The following ANKIB1 variants were observed in gnomAD, a reference collection of about 807,000 sequenced individuals.
The protein encoded by ANKIB1 is ankyrin repeat and IBR domain containing 1.
Under a neutral mutation model 122.1 loss-of-function variants are expected in ANKIB1, and 43 were observed. That is an observed-to-expected ratio of 0.35 (90% confidence interval 0.28 to 0.45). The LOEUF (loss-of-function observed/expected upper bound fraction) is 0.45. Among genes scored for constraint, ANKIB1 ranks in the 20% least tolerant of loss-of-function variants. The pLI is 1.00. For synonymous variants in ANKIB1, 390 were observed against 442.0 expected (o/e 0.88, Z 1.48); for missense variants, 992 against 1,329.5 (o/e 0.75, Z 3.95).
intron 14 of ANKIB1, among the ~76,000 whole-genome samples, chr7:92,388,548 C>T (rs963950064): frequency 2.0e-5 from 3 of 152,152 alleles, no homozygotes; most frequent in African/African-American, 7.2e-5. Context: ...GTGGAGCTAA[C>T]GTATAGGTCC....
Position 92,327,794 on chromosome 7 carries a change from A to T in ANKIB1, c.681A>T (p.Gly227=). The change falls in exon 5 of 20, where the codon GGA becomes GGT. Residue 227 remains glycine (G), a synonymous_variant. Transcript: ENST00000265742. Reference sequence around the variant, plus strand: ...TTTTCTTTTCAAAGCCATATGAAGGATTAAGGCCTCAGGATCTTCGTAGAC... The same window carrying T: ...TTTTCTTTTCAAAGCCATATGAAGGTTTAAGGCCTCAGGATCTTCGTAGAC... ...AALDKREPYE[G]LRPQDLRRLK... 6.4e-7 allele frequency: 1 copy of T among 1,571,722 alleles called. No homozygotes were observed. The highest frequency in any genetic ancestry group is 8.6e-7 in the Non-Finnish European group (1 of 1,167,276).
chr7:92,359,910 CATATTTTAATCAACCCA>C (rs915965050), intron 9 of ANKIB1, among the ~76,000 whole-genome samples: 10 of 152,108 alleles, frequency 6.6e-5, no homozygotes, highest in African/African-American at 2.4e-4. Flanking sequence ...AGCTCACTTC[CATATTTTAATCAACCCA>C]ATATTTTTTG....
In ANKIB1 at chr7:92,307,347, T is replaced by C. The variant is rs769387531; in HGVS notation, c.189-12T>C. On this transcript the variant is annotated splice_polypyrimidine_tract_variant and intron_variant, in intron 2 of 19. Coordinates refer to ENST00000265742, the MANE Select transcript of ANKIB1 (RefSeq NM_019004.2). ...TTTTCATCCTTTATTTTTCCCTTTC[T>C]TTCCATTTTAGGACTTTTCTTGGTA... 16 of 1,597,764 alleles carry C rather than the reference T, an allele frequency of 1.0e-5. No individual in the cohort carries two copies. The South Asian group carries it at 1.1e-4, about 11-fold the overall frequency.
rs1164195775 is a variant in ANKIB1, at chr7:92,343,222, A to T, written c.986A>T (p.Asp329Val). Residue 329 changes from aspartate to valine, a missense_variant, in exon 6 of 20, where the codon GAC becomes GTC. Around this residue, in one of 4 missense-constraint regions of ANKIB1, gnomAD observed 521 missense variants for 777.7 expected, o/e 0.67. Transcript: ENST00000265742. The stretch of plus-strand genomic sequence containing the variant: ...ATCAGCTTATCTCCTGGGGATTTAG[A>T]CACCAGTTTGGTATGGTTTGGTATT... ...DEISLSPGDLDTSLCDICMCS... is the reference protein window; with the variant it reads ...DEISLSPGDLVTSLCDICMCS... 1 of 1,613,596 alleles carries T rather than the reference A, an allele frequency of 6.2e-7. No homozygotes were observed. Among genetic ancestry groups the T allele is most frequent in the East Asian group, 2.2e-5 (1 of 44,836 alleles).
chr7:92,396,537 T>C lies in ANKIB1; in HGVS notation c.2395+61T>C, dbSNP rs1327314536. The C allele has an allele frequency of 7.3e-6, 6 of 826,040 alleles. No homozygotes were observed. In the Admixed American group the frequency reaches 1.5e-4, roughly 20 times the overall value. 51.2% of individuals were successfully genotyped at this position (826,040 alleles called of 1,614,324 possible). A position where few individuals can be genotyped will look rare whatever the true frequency, so the allele number is the denominator to read the frequency against. On this transcript the variant is annotated intron_variant, in intron 18 of 19. Transcript: ENST00000265742. ...GCTCCCCTGAATTTATCCTTCAAAC[T>C]GGCTGATGTAAATTTTTGTGAACGA...
intron 1 of ANKIB1, among the ~76,000 whole-genome samples, chr7:92,288,094 A>G (rs1802173512): frequency 1.3e-5 from 2 of 151,842 alleles, no homozygotes; most frequent in Non-Finnish European, 2.9e-5. Flanking sequence ...TCTACTTTAG[A>G]CAATCCCAAA....
intron 3 of ANKIB1, among the ~76,000 whole-genome samples, chr7:92,316,914 T>G (rs1396604881): frequency 6.6e-6 from 1 of 152,208 alleles, no homozygotes; most frequent in East Asian, 1.9e-4. Flanking sequence ...TTAATATTTT[T>G]TGTGTGGTAA....
chr7:92,295,321 G>A (rs1172762600), intron 2 of ANKIB1, among the ~76,000 whole-genome samples, 155 bp downstream of exon 2: 1 of 151,986 alleles, frequency 6.6e-6, no homozygotes, highest in Admixed American at 6.6e-5. Context: ...GTTTTATAGT[G>A]AATTAAACTT....
intron 1 of ANKIB1, among the ~76,000 whole-genome samples, chr7:92,273,604 A>G (rs1186325068): frequency 6.6e-6 from 1 of 152,126 alleles, no homozygotes; most frequent in Admixed American, 6.5e-5. Flanking sequence ...AACAGGTGGA[A>G]GATTATAGAA....
chr7:92,294,998 A>G lies in ANKIB1; in HGVS notation c.20A>G (p.Lys7Arg), dbSNP rs369169074. MGNTTTKFRKALINGDE... is the reference protein window; with the variant it reads MGNTTTRFRKALINGDE... Reference sequence around the variant, plus strand: ...CAAAACATGGGAAATACAACCACCAAATTCCGTAAAGCACTCATCAATGGT... The same window carrying G: ...CAAAACATGGGAAATACAACCACCAGATTCCGTAAAGCACTCATCAATGGT... Residue 7 changes from lysine to arginine, a missense_variant, in exon 2 of 20, where the codon AAA becomes AGA. By Grantham distance (26) the Lys-to-Arg change is conservative. Transcript: ENST00000265742. 2 of 1,601,618 alleles carry G rather than the reference A, an allele frequency of 1.2e-6. No individual in the cohort carries two copies. Among genetic ancestry groups the G allele is most frequent in the African/African-American group, 1.3e-5 (1 of 74,774 alleles).
At chr7:92,262,250 G>C (rs1010113933) in intron 1 of ANKIB1, among the ~76,000 whole-genome samples, 2 of 152,152 alleles carry the variant, frequency 1.3e-5, no homozygotes, top group African/African-American at 4.8e-5. Flanking sequence ...CATATCTATA[G>C]CTGAAGATGT....
At chr7:92,396,238 CA>C (rs1393628840) in intron 17 of ANKIB1, 126 bp from the exon 18 acceptor site, 2 of 646,020 alleles carry the variant, frequency 3.1e-6, no homozygotes, top group Non-Finnish European at 2.7e-6. Context: ...ATGTTTCAGC[CA>C]AGTGATTTTA....
At chr7:92,375,026 C>G (rs1367355158) in intron 11 of ANKIB1, among the ~76,000 whole-genome samples, 3 of 150,024 alleles carry the variant, frequency 2.0e-5, no homozygotes, top group African/African-American at 7.6e-5. Context: ...TTTTTGTTTT[C>G]CACTGCATAT....
intron 3 of ANKIB1, among the ~76,000 whole-genome samples, chr7:92,318,084 C>T (rs995390650): frequency 6.6e-6 from 1 of 152,152 alleles, no homozygotes; most frequent in Non-Finnish European, 1.5e-5. Flanking sequence ...AATCAAGCTA[C>T]TTAACTATTC....
intron 16 of ANKIB1, 72 bp downstream of exon 16, chr7:92,391,416 A>C: frequency 7.6e-7 from 1 of 1,307,694 alleles, no homozygotes. Flanking sequence ...TTTTTTATCC[A>C]ACTAGGGTTC....
At chr7:92,353,763 C>G (rs1803716990) in intron 9 of ANKIB1, among the ~76,000 whole-genome samples, 1 of 152,196 alleles carries the variant, frequency 6.6e-6, no homozygotes, top group Non-Finnish European at 1.5e-5. Context: ...TGCTGGAACA[C>G]AGCCACACCA....
chr7:92,398,107 A>G, intron 19 of ANKIB1, 105 bp from the exon 20 acceptor site: 1 of 1,252,816 alleles, frequency 8.0e-7, no homozygotes, highest in Non-Finnish European at 1.1e-6. Context: ...TTCTGTATAA[A>G]TAAAATTAAT....
intron 1 of ANKIB1, among the ~76,000 whole-genome samples, chr7:92,267,906 G>C (rs1801707963): frequency 6.6e-6 from 1 of 152,088 alleles, no homozygotes; most frequent in South Asian, 2.1e-4. Context: ...CATAATTTTT[G>C]GAAAGGAAGG....
intron 16 of ANKIB1, among the ~76,000 whole-genome samples, chr7:92,391,996 G>C (rs1343756119): frequency 6.6e-6 from 1 of 151,902 alleles, no homozygotes; most frequent in Non-Finnish European, 1.5e-5. Context: ...ACAAATAGAA[G>C]CATTATAAAA....
Sources: allele counts gnomAD v4.1 joint callset (sites outside exome capture counted in the v4.1 genomes callset), GRCh38; gene constraint gnomAD v4.1.1; regional missense constraint gnomAD v4.1.1; transcripts MANE v1.5; gene names NCBI Gene and HGNC (gene_info 2026-07-23, HGNC 2026-07-21).